The following BICC1 variants were observed in gnomAD, a reference collection of about 807,000 sequenced individuals.
BICC1 encodes BicC family RNA binding protein 1.
Under a neutral mutation model 111.0 loss-of-function variants are expected in BICC1, and 43 were observed. The observed-to-expected ratio is 0.39, with a 90% CI of 0.30 to 0.50. BICC1 has a LOEUF of 0.50. BICC1 is among the 20% of genes least tolerant of loss of function. The pLI is 0.88. For missense variants in BICC1, 1,091 were observed against 1,203.2 expected (o/e 0.91, Z 1.38); for synonymous variants, 467 against 434.4 (o/e 1.07, Z -0.93).
chr10:58,683,750 C>CT (rs1362962344), intron 2 of BICC1, among the ~76,000 whole-genome samples: 1 of 152,142 alleles, frequency 6.6e-6, no homozygotes, highest in East Asian at 1.9e-4. Flanking sequence ...GCTGAAGTTG[C>CT]TTATCAGCTT....
intron 1 of BICC1, among the ~76,000 whole-genome samples, chr10:58,565,718 A>C (rs1431698814): frequency 6.6e-6 from 1 of 152,158 alleles, no homozygotes; most frequent in Non-Finnish European, 1.5e-5. Flanking sequence ...TCTTTGACTG[A>C]TCTATGAAGG....
intron 1 of BICC1, among the ~76,000 whole-genome samples, chr10:58,573,331 T>G (rs1844017766): frequency 2.0e-5 from 3 of 152,192 alleles, no homozygotes; most frequent in South Asian, 2.1e-4. Flanking sequence ...AATCTGGCTT[T>G]TGTCATTACT....
chr10:58,693,546 C>G (rs865942441), intron 2 of BICC1, among the ~76,000 whole-genome samples: 1 of 152,146 alleles, frequency 6.6e-6, no homozygotes, highest in African/African-American at 2.4e-5. Flanking sequence ...TCTTAATGAT[C>G]GCCATTCTAA....
At chr10:58,814,041 A>G (rs900951019) in intron 18 of BICC1, 55 bp downstream of exon 18, 2 of 1,601,670 alleles carry the variant, frequency 1.2e-6, no homozygotes, top group East Asian at 2.2e-5. Context: ...GAATGTGTTT[A>G]TTTGGGTTGG....
chr10:58,540,415 T>C (rs2131881521), intron 1 of BICC1, among the ~76,000 whole-genome samples: 1 of 151,288 alleles, frequency 6.6e-6, no homozygotes, highest in South Asian at 2.1e-4. Flanking sequence ...ATAACAAAAA[T>C]CAGAAAAGAA....
chr10:58,678,630 G>A (rs1345267523), intron 2 of BICC1, among the ~76,000 whole-genome samples: 1 of 152,118 alleles, frequency 6.6e-6, no homozygotes, highest in Non-Finnish European at 1.5e-5. Context: ...AGATCAACGA[G>A]ATAGAAAATT....
intron 4 of BICC1, among the ~76,000 whole-genome samples, chr10:58,786,197 C>G (rs897632429): frequency 1.8e-4 from 27 of 151,972 alleles, no homozygotes; most frequent in African/African-American, 6.3e-4. Context: ...GATTTTATGC[C>G]AGTCTTTATG....
At chr10:58,597,716 T>C (rs575641055) in intron 1 of BICC1, among the ~76,000 whole-genome samples, 1 of 152,086 alleles carries the variant, frequency 6.6e-6, no homozygotes, top group African/African-American at 2.4e-5. Flanking sequence ...TTTCCCAGGG[T>C]ATTAATATTA....
At chr10:58,597,577 A>G (rs966431151) in intron 1 of BICC1, among the ~76,000 whole-genome samples, 2 of 152,148 alleles carry the variant, frequency 1.3e-5, no homozygotes, top group African/African-American at 4.8e-5. Flanking sequence ...ACCAGGGCAG[A>G]GTTTCCCAAC....
At chr10:58,700,342 C>T (rs1840194265) in intron 2 of BICC1, among the ~76,000 whole-genome samples, 1 of 152,074 alleles carries the variant, frequency 6.6e-6, no homozygotes, top group South Asian at 2.1e-4. Context: ...AGAAGGGGAG[C>T]CTGCTGGGCA....
At position 58,796,420 on chromosome 10, in the gene BICC1, T is replaced by TG; in HGVS notation, c.1264dup (p.Val422GlyfsTer58). The TG allele has an allele frequency of 6.2e-7, 1 of 1,614,060 alleles. No homozygotes were observed. The highest frequency in any genetic ancestry group is 8.5e-7 in the Non-Finnish European group (1 of 1,179,962). ...AATGTCTCCTCGGACTTGAAAGCAGTGGGGTTACCATAGCAACCAGTCCAT... is the reference window on the plus strand; with the variant it reads ...AATGTCTCCTCGGACTTGAAAGCAGTGGGGGTTACCATAGCAACCAGTCCAT... On this transcript the variant is annotated frameshift_variant, in exon 10 of 21. Transcript: ENST00000373886. LOFTEE classifies it high-confidence loss of function.
chr10:58,566,357 T>C lies in BICC1; in HGVS notation c.190+53024T>C, dbSNP rs532960445. Reference sequence around the variant, plus strand: ...ATATATATACATACACATATATATATACACACACATATATGTACACCACGA... The same window carrying C: ...ATATATATACATACACATATATATACACACACACATATATGTACACCACGA... On this transcript the variant is annotated intron_variant, in intron 1 of 20. Transcript: ENST00000373886. Among the ~76,000 whole-genome samples, 18 of 152,188 alleles carry C rather than the reference T, an allele frequency of 1.2e-4. 1 individual carries two copies. In the South Asian group the frequency reaches 2.3e-3, roughly 19 times the overall value.
At chr10:58,817,810 T>A in intron 19 of BICC1, 88 bp downstream of exon 19, 1 of 1,314,632 alleles carries the variant, frequency 7.6e-7, no homozygotes, top group Non-Finnish European at 1.0e-6. Context: ...GACCTATGAG[T>A]ATGCTTTCAC....
At chr10:58,607,052 C>T (rs1845240460) in intron 1 of BICC1, among the ~76,000 whole-genome samples, 1 of 152,120 alleles carries the variant, frequency 6.6e-6, no homozygotes, top group African/African-American at 2.4e-5. Flanking sequence ...CGCGGTGTCT[C>T]ACGCCTGTAA....
chr10:58,760,536 A>G (rs1842283511), intron 3 of BICC1, among the ~76,000 whole-genome samples: 1 of 152,232 alleles, frequency 6.6e-6, no homozygotes, highest in Non-Finnish European at 1.5e-5. Flanking sequence ...AATCTACTGT[A>G]AGCAGACTTA....
intron 3 of BICC1, among the ~76,000 whole-genome samples, chr10:58,783,740 A>G (rs10509094): frequency 0.78 from 118,364 of 152,100 alleles, 46,554 homozygotes; most frequent in East Asian, 1. Flanking sequence ...TACATTGTAG[A>G]CACTCAGTAA....
At chr10:58,551,687 A>G (rs1215972257) in intron 1 of BICC1, among the ~76,000 whole-genome samples, 1 of 152,020 alleles carries the variant, frequency 6.6e-6, no homozygotes, top group Non-Finnish European at 1.5e-5. Context: ...CCATCATTCT[A>G]CTATTTGTTT....
intron 3 of BICC1, among the ~76,000 whole-genome samples, chr10:58,745,541 G>A (rs1841804958): frequency 6.7e-6 from 1 of 149,820 alleles, no homozygotes; most frequent in Admixed American, 6.8e-5. Context: ...GCAGAACCAT[G>A]TTCCCTTCTG....
At chr10:58,681,614 A>C (rs1448785292) in intron 2 of BICC1, among the ~76,000 whole-genome samples, 1 of 152,194 alleles carries the variant, frequency 6.6e-6, no homozygotes, top group Admixed American at 6.5e-5. Flanking sequence ...AGGATCTAGA[A>C]CTAGAAATAC....
Sources: allele counts gnomAD v4.1 joint callset (sites outside exome capture counted in the v4.1 genomes callset), GRCh38; gene constraint gnomAD v4.1.1; transcripts MANE v1.5; gene names NCBI Gene and HGNC (gene_info 2026-07-23, HGNC 2026-07-21).